LZTFL1: variants seen among roughly 807,000 people sequenced by gnomAD.
LZTFL1 encodes leucine zipper transcription factor like 1.
A neutral mutation model predicts 45.9 loss-of-function variants in LZTFL1; 25 were observed. That is an observed-to-expected ratio of 0.54 (90% CI 0.40 to 0.76). The LOEUF is 0.76. Among genes scored for constraint, LZTFL1 ranks in the 30% least tolerant of loss-of-function variants. The pLI, the probability that LZTFL1 is intolerant of heterozygous loss-of-function variation, is 0.00. For missense variants in LZTFL1, 277 were observed against 331.1 expected, an observed-to-expected ratio of 0.84 and a Z score of 1.27; for synonymous variants, 93 against 117.4, an observed-to-expected ratio of 0.79 and a Z score of 1.35.
chr3:45,839,786 A>G (rs1485825560), intron 1 of LZTFL1, among the ~76,000 whole-genome samples: 1 of 152,218 alleles, frequency 6.6e-6, no homozygotes, highest in East Asian at 1.9e-4. Flanking sequence ...AAATGCATAC[A>G]ATTGGATCTC....
intron 2 of LZTFL1, among the ~76,000 whole-genome samples, chr3:45,836,910 T>C (rs1057429909): frequency 1.3e-5 from 2 of 152,202 alleles, no homozygotes; most frequent in South Asian, 2.1e-4. Context: ...CCAGTTTCAA[T>C]GACAGTATCA....
Position 45,900,854 on chromosome 3 carries a change from A to T in LZTFL1, c.-215+12266T>A, listed in dbSNP as rs1305371891. 1.2e-6 allele frequency: 2 copies of T among 1,613,820 alleles called. No homozygotes were observed. Among genetic ancestry groups the T allele is most frequent in the South Asian group, 2.2e-5 (2 of 91,066 alleles). On this transcript the variant is annotated intron_variant, in intron 2 of 4. Coordinates refer to the LZTFL1 transcript ENST00000472635. The surrounding 1 kb of genome is among the most constrained non-coding windows in gnomAD (Gnocchi z 4.7). The stretch of plus-strand genomic sequence containing the variant: ...CTGATGACTATGGCTCTGAATCCAC[A>T]TCTTCCATGGAAGACTACGTTAACT...
chr3:45,872,030 G>A (rs753149740), intron 2 of LZTFL1, among the ~76,000 whole-genome samples: 9 of 152,328 alleles, frequency 5.9e-5, no homozygotes, highest in South Asian at 2.1e-4. Context: ...TGACTGAGAC[G>A]GAGAAGCAGC....
intron 2 of LZTFL1, among the ~76,000 whole-genome samples, chr3:45,910,128 T>G (rs771600620): frequency 6.6e-6 from 1 of 152,144 alleles, no homozygotes; most frequent in Admixed American, 6.5e-5. Flanking sequence ...ATCCAATTCA[T>G]GTTTTAAAGA....
chr3:45,852,462 A>G (rs1028995109), intron 4 of LZTFL1, among the ~76,000 whole-genome samples: 3 of 152,218 alleles, frequency 2.0e-5, no homozygotes, highest in Admixed American at 6.5e-5. Context: ...ATTATGGAGC[A>G]ATAAAAGAGT....
At chr3:45,878,510 G>A (rs1376375902) in intron 2 of LZTFL1, among the ~76,000 whole-genome samples, 8 of 151,778 alleles carry the variant, frequency 5.3e-5, no homozygotes, top group Non-Finnish European at 7.4e-5. Context: ...GAGGCTGGGG[G>A]ATGGGGCCCA....
At chr3:45,913,531 G>A (rs1419696211) in intron 1 of LZTFL1, among the ~76,000 whole-genome samples, 3 of 152,180 alleles carry the variant, frequency 2.0e-5, no homozygotes, top group South Asian at 2.1e-4. Context: ...CTTCATTTCC[G>A]AGTGGAGATA....
At chr3:45,867,548 G>GA (rs1234953139) in intron 2 of LZTFL1, among the ~76,000 whole-genome samples, 1 of 151,902 alleles carries the variant, frequency 6.6e-6, no homozygotes, top group Non-Finnish European at 1.5e-5. Context: ...CACTTCTTTA[G>GA]AAAACTCATC....
At chr3:45,873,959 C>A (rs1343832745) in intron 2 of LZTFL1, among the ~76,000 whole-genome samples, 1 of 152,176 alleles carries the variant, frequency 6.6e-6, no homozygotes, top group African/African-American at 2.4e-5. Flanking sequence ...CCCTTTACCT[C>A]GTTTATTCCT....
Position 45,901,625 on chromosome 3 carries a change from T to C in LZTFL1, c.-215+11495A>G. On this transcript the variant is annotated intron_variant, in intron 2 of 4. Transcript: ENST00000472635. The surrounding 1 kb of genome is among the most constrained non-coding windows in gnomAD (Gnocchi z 4.3). ...ACTGCATTTTGTTGGTGCAGACCATTGACGCCTATGCCATGTTCATCTCCA... is the reference window on the plus strand; with the variant it reads ...ACTGCATTTTGTTGGTGCAGACCATCGACGCCTATGCCATGTTCATCTCCA... The C allele has an allele frequency of 6.2e-7, 1 of 1,614,250 alleles. No individual in the cohort carries two copies. Among genetic ancestry groups the C allele is most frequent in the South Asian group, 1.1e-5 (1 of 91,082 alleles).
chr3:45,885,569 G>A (rs1701956736), intron 2 of LZTFL1, among the ~76,000 whole-genome samples: 1 of 152,154 alleles, frequency 6.6e-6, no homozygotes, highest in South Asian at 2.1e-4. Context: ...ACATCTCACA[G>A]GCAGACTTTC....
intron 2 of LZTFL1, among the ~76,000 whole-genome samples, chr3:45,910,891 C>G (rs1702782467): frequency 6.6e-6 from 1 of 152,134 alleles, no homozygotes; most frequent in Non-Finnish European, 1.5e-5. Context: ...CTTGGGGTCT[C>G]TCATGTGGCT....
intron 2 of LZTFL1, chr3:45,883,732 G>C (rs967313001): frequency 1.8e-6 from 1 of 562,536 alleles, no homozygotes; most frequent in African/African-American, 1.9e-5. Context: ...AGTGCCAAAA[G>C]GCCTGCCTTG....
intron 2 of LZTFL1, among the ~76,000 whole-genome samples, chr3:45,836,624 C>T (rs1445957413): frequency 6.6e-6 from 1 of 152,214 alleles, no homozygotes; most frequent in Non-Finnish European, 1.5e-5. Context: ...CACCGCACTC[C>T]AGCCTGGGCG....
At chr3:45,840,246 AG>A (rs1203632233) in intron 1 of LZTFL1, among the ~76,000 whole-genome samples, 3 of 152,242 alleles carry the variant, frequency 2.0e-5, no homozygotes, top group Non-Finnish European at 2.9e-5. Context: ...GAATGAAGAA[AG>A]GGGGTAAAAG....
At chr3:45,911,081 G>C (rs534716307) in intron 2 of LZTFL1, among the ~76,000 whole-genome samples, 2 of 152,326 alleles carry the variant, frequency 1.3e-5, no homozygotes, top group East Asian at 3.9e-4. Context: ...CCCTGTGCAA[G>C]AGAACCAAGG....
At chr3:45,866,638 C>T (rs1411271177) in intron 2 of LZTFL1, among the ~76,000 whole-genome samples, 1 of 152,162 alleles carries the variant, frequency 6.6e-6, no homozygotes, top group African/African-American at 2.4e-5. Context: ...TCTTTGAAAA[C>T]ATACCATGGC....
intron 2 of LZTFL1, among the ~76,000 whole-genome samples, chr3:45,859,212 G>A (rs1347836546): frequency 6.6e-6 from 1 of 152,166 alleles, no homozygotes; most frequent in Non-Finnish European, 1.5e-5. Flanking sequence ...GAACTTAAAA[G>A]TCTGGTCTAA....
At chr3:45,867,672 C>A (rs1278831729) in intron 2 of LZTFL1, among the ~76,000 whole-genome samples, 1 of 152,064 alleles carries the variant, frequency 6.6e-6, no homozygotes, top group Non-Finnish European at 1.5e-5. Context: ...AGTGAGACCT[C>A]ATCTCTACAA....
Sources: gnomAD v4.1 joint callset for allele counts (sites outside exome capture counted in the v4.1 genomes callset) on GRCh38, gnomAD v4.1.1 for gene constraint, Gnocchi (gnomAD v3.1) non-coding constraint, MANE v1.5 for transcripts, NCBI Gene and HGNC (gene_info 2026-07-23, HGNC 2026-07-21) for gene names.